The following CRTC1 variants were observed in gnomAD, a reference collection of about 807,000 sequenced individuals.
The protein encoded by CRTC1 is CREB regulated transcription coactivator 1.
CRTC1 carries 18 observed loss-of-function variants against 66.1 expected under a neutral mutation model. That is an observed-to-expected ratio of 0.27 (90% confidence interval 0.19 to 0.40). CRTC1 has a LOEUF of 0.40. CRTC1 is among the 10% of genes least tolerant of loss of function. The pLI is 1.00. For missense variants in CRTC1, 669 were observed against 887.9 expected, an observed-to-expected ratio of 0.75 and a Z score of 3.13; for synonymous variants, 416 against 398.8, an observed-to-expected ratio of 1.04 and a Z score of -0.51.
chr19:18,735,014 C>G (rs564262663), intron 1 of CRTC1, among the ~76,000 whole-genome samples: 1 of 152,328 alleles, frequency 6.6e-6, no homozygotes, highest in South Asian at 2.1e-4. Context: ...GGCGTCCGGG[C>G]AGAAAATCCT....
chr19:18,771,344 C>T lies in CRTC1; in HGVS notation c.1321-98C>T. On this transcript the variant is annotated intron_variant, in intron 10 of 13. Transcript: ENST00000321949. The surrounding 1 kb of genome is among the most constrained non-coding windows in gnomAD (Gnocchi z 4.6). ...CACCAAGGTGTGAGGGGCGGGGGGA[C>T]CTGCCTGGGGGCTGATCAGGCTGCT... is the stretch of plus-strand genomic sequence containing the variant. 9.8e-7 allele frequency: 1 copy of T among 1,022,822 alleles called. No homozygotes were observed. The highest frequency in any genetic ancestry group is 1.4e-6 in the Non-Finnish European group (1 of 701,924). The allele number at this position is 1,022,822 out of a possible 1,614,324, so 63.4% of individuals were successfully genotyped here. A position where few individuals can be genotyped will look rare whatever the true frequency, so the allele number is the denominator to read the frequency against.
intron 5 of CRTC1, among the ~76,000 whole-genome samples, chr19:18,751,556 T>C (rs575808781): frequency 6.6e-6 from 1 of 152,162 alleles, no homozygotes; most frequent in Admixed American, 6.5e-5. Context: ...GGGAAATGTT[T>C]ACTCTTACCT....
intron 1 of CRTC1, among the ~76,000 whole-genome samples, chr19:18,729,046 CAG>C (rs1461005508): frequency 6.7e-6 from 1 of 150,202 alleles, no homozygotes; most frequent in African/African-American, 2.4e-5. Flanking sequence ...CTCCTGACCT[CAG>C]GTGATCCACC....
At chr19:18,752,987 G>A (rs948772277) in intron 5 of CRTC1, among the ~76,000 whole-genome samples, 14 of 151,692 alleles carry the variant, frequency 9.2e-5, no homozygotes, top group African/African-American at 2.2e-4. Flanking sequence ...GCTGATAGGC[G>A]GGGCACGGTG....
chr19:18,750,213 T>A (rs775297379), intron 5 of CRTC1, among the ~76,000 whole-genome samples: 1 of 152,216 alleles, frequency 6.6e-6, no homozygotes, highest in Non-Finnish European at 1.5e-5. Flanking sequence ...GGAGCATTTG[T>A]CAGCTCATGA....
intron 1 of CRTC1, among the ~76,000 whole-genome samples, chr19:18,688,761 A>G (rs2052751471): frequency 6.6e-6 from 1 of 151,920 alleles, no homozygotes; most frequent in African/African-American, 2.4e-5. Flanking sequence ...TAACAGCTTT[A>G]TTGAGATGTC....
intron 1 of CRTC1, among the ~76,000 whole-genome samples, chr19:18,740,965 A>C (rs1417191022): frequency 6.6e-6 from 1 of 152,202 alleles, no homozygotes; most frequent in Non-Finnish European, 1.5e-5. Context: ...AGATGGCGCC[A>C]CTGCACTCCA....
At chr19:18,710,355 C>G (rs975261533) in intron 1 of CRTC1, among the ~76,000 whole-genome samples, 4 of 152,320 alleles carry the variant, frequency 2.6e-5, no homozygotes, top group African/African-American at 9.6e-5. Flanking sequence ...CCTGGCCTCC[C>G]GTCCTACTGC....
intron 1 of CRTC1, among the ~76,000 whole-genome samples, chr19:18,694,176 C>T (rs1020699704): frequency 6.6e-6 from 1 of 151,078 alleles, no homozygotes; most frequent in African/African-American, 2.4e-5. Flanking sequence ...TGGCTCATGC[C>T]TGTGGTCCCA....
chr19:18,746,258 C>A (rs1262593175), intron 3 of CRTC1, among the ~76,000 whole-genome samples: 1 of 152,092 alleles, frequency 6.6e-6, no homozygotes, highest in Non-Finnish European at 1.5e-5. Flanking sequence ...AGACACCTGG[C>A]AGGGCAGTGG....
chr19:18,769,391 C>G (rs949409395), intron 10 of CRTC1, among the ~76,000 whole-genome samples: 8 of 152,254 alleles, frequency 5.3e-5, no homozygotes, highest in African/African-American at 1.9e-4. Flanking sequence ...GGGTGGCAAA[C>G]AGCTGCATTG....
chr19:18,751,636 AT>A (rs1443778575), intron 5 of CRTC1, among the ~76,000 whole-genome samples: 1 of 152,220 alleles, frequency 6.6e-6, no homozygotes, highest in Non-Finnish European at 1.5e-5. Context: ...ATGCCCATCC[AT>A]CCCGTCGCTC....
chr19:18,705,965 C>T lies in CRTC1; in HGVS notation c.126+22137C>T, dbSNP rs544717060. On this transcript the variant is annotated intron_variant, in intron 1 of 13. Transcript: ENST00000321949. ...GCCCTTTTCCTTTTCCTCTCTCTCT[C>T]TCTTTTTTTTTTTTTTTAATGCTTT... Among the ~76,000 whole-genome samples, 25 of 131,656 alleles carry T rather than the reference C, an allele frequency of 1.9e-4. No homozygotes were observed. The South Asian group carries it at 3.0e-3, about 16-fold the overall frequency. The allele number at this position is 131,656 out of a possible 152,430, so 86.4% of individuals were successfully genotyped here.
At chr19:18,744,836 G>A (rs2054195225) in intron 2 of CRTC1, among the ~76,000 whole-genome samples, 1 of 152,166 alleles carries the variant, frequency 6.6e-6, no homozygotes, top group South Asian at 2.1e-4. Context: ...CCCAGGGCTG[G>A]GGACAGTAGT....
chr19:18,773,523 C>T (rs1335010730), intron 11 of CRTC1, among the ~76,000 whole-genome samples: 2 of 152,132 alleles, frequency 1.3e-5, no homozygotes, highest in Admixed American at 1.3e-4. Context: ...AAGCCTGGTC[C>T]CACCCCACAC....
intron 5 of CRTC1, among the ~76,000 whole-genome samples, chr19:18,752,587 G>A (rs943128303): frequency 3.4e-4 from 51 of 152,022 alleles, no homozygotes; most frequent in South Asian, 1.0e-3. Context: ...CCAAAGTGCT[G>A]TAATTACAGG....
At chr19:18,693,479 G>GTTTTTTTTTT (rs1294890403) in intron 1 of CRTC1, among the ~76,000 whole-genome samples, 1 of 129,720 alleles carries the variant, frequency 7.7e-6, no homozygotes. Flanking sequence ...TAACTCTTTT[G>GTTTTTTTTTT]TTTTTGTTTT....
At chr19:18,766,209 T>C (rs1362569804) in intron 9 of CRTC1, among the ~76,000 whole-genome samples, 8 of 150,918 alleles carry the variant, frequency 5.3e-5, no homozygotes, top group Non-Finnish European at 8.9e-5. Context: ...GCAACCTTGC[T>C]TCCTGGGTTC....
rs537147135 is a variant in CRTC1 at position 18,768,425 on chromosome 19, C to T, written c.1012-60C>T. ...CTGAGCATGCCAGGCTATGGGGGCCCGAGGGGGCCAGGCGCTGACAACCAG... is the reference window on the plus strand; with the variant it reads ...CTGAGCATGCCAGGCTATGGGGGCCTGAGGGGGCCAGGCGCTGACAACCAG... On this transcript the variant is annotated intron_variant, in intron 9 of 13. Coordinates refer to ENST00000321949, the MANE Select transcript of CRTC1 (RefSeq NM_015321.3). This position sits in a 1 kb window ranked among gnomAD's most constrained non-coding sequence, Gnocchi z 5.6. 102 of 1,479,124 alleles carry T rather than the reference C, an allele frequency of 6.9e-5. No individual in the cohort carries two copies. The highest frequency in any genetic ancestry group is 1.1e-4 in the Admixed American group (6 of 55,966). The allele number at this position is 1,479,124 out of a possible 1,614,324, so 91.6% of individuals were successfully genotyped here.
Sources: allele counts gnomAD v4.1 joint callset (sites outside exome capture counted in the v4.1 genomes callset), GRCh38; gene constraint gnomAD v4.1.1; non-coding constraint Gnocchi (gnomAD v3.1); transcripts MANE v1.5; gene names NCBI Gene and HGNC (gene_info 2026-07-23, HGNC 2026-07-21).